SULF1: variants seen among roughly 807,000 people sequenced by gnomAD.
SULF1 encodes sulfatase 1.
A neutral mutation model predicts 110.5 loss-of-function variants in SULF1; 46 were observed. The ratio of observed to expected loss-of-function variants is 0.42; its 90% CI spans 0.33 to 0.53. The LOEUF is 0.53. Among genes scored for constraint, SULF1 ranks in the 20% least tolerant of loss-of-function variants. SULF1 has a pLI of 0.12. For synonymous variants in SULF1, 371 were observed against 387.1 expected (o/e 0.96, Z 0.49); for missense variants, 941 against 1,094.2 (o/e 0.86, Z 1.98).
At chr8:69,571,039 T>A (rs1220925713) in intron 5 of SULF1, among the ~76,000 whole-genome samples, 2 of 152,226 alleles carry the variant, frequency 1.3e-5, no homozygotes, top group Non-Finnish European at 2.9e-5. Flanking sequence ...GAAGTTGGGC[T>A]TTTTGCTTAG....
chr8:69,609,558 G>T (rs1808479819), intron 13 of SULF1, among the ~76,000 whole-genome samples: 1 of 152,168 alleles, frequency 6.6e-6, no homozygotes, highest in Admixed American at 6.5e-5. Flanking sequence ...AAGTTGAATG[G>T]TATCATTTTT....
At chr8:69,570,413 T>C (rs1419121959) in intron 5 of SULF1, among the ~76,000 whole-genome samples, 2 of 152,250 alleles carry the variant, frequency 1.3e-5, no homozygotes, top group Non-Finnish European at 2.9e-5. Context: ...AAGATATATG[T>C]ATCGGGAAAG....
chr8:69,524,774 G>A (rs1248779991), intron 3 of SULF1, among the ~76,000 whole-genome samples: 1 of 152,140 alleles, frequency 6.6e-6, no homozygotes, highest in East Asian at 1.9e-4. Flanking sequence ...CCATCAGAAA[G>A]TATCAAGGGG....
At chr8:69,655,769 C>G (rs765452560) in intron 22 of SULF1, among the ~76,000 whole-genome samples, 2 of 152,218 alleles carry the variant, frequency 1.3e-5, no homozygotes, top group African/African-American at 2.4e-5. Flanking sequence ...AATGGCTTCT[C>G]TCACTCCCAG....
chr8:69,523,523 G>C (rs567571300), intron 3 of SULF1, among the ~76,000 whole-genome samples: 2 of 152,100 alleles, frequency 1.3e-5, no homozygotes, highest in Non-Finnish European at 2.9e-5. Flanking sequence ...TCTTCTCCAG[G>C]CACATAGAGT....
intron 19 of SULF1, among the ~76,000 whole-genome samples, chr8:69,631,716 G>A (rs1362160650): frequency 6.6e-6 from 1 of 152,128 alleles, no homozygotes; most frequent in Non-Finnish European, 1.5e-5. Flanking sequence ...CTCGCCATGG[G>A]GCCTTTGCAC....
At chr8:69,636,603 T>C (rs1372671920) in intron 19 of SULF1, among the ~76,000 whole-genome samples, 1 of 152,106 alleles carries the variant, frequency 6.6e-6, no homozygotes, top group Non-Finnish European at 1.5e-5. Context: ...TACGTTCTGC[T>C]GGTTGTGGAA....
chr8:69,570,349 G>T (rs1240807676), intron 5 of SULF1, among the ~76,000 whole-genome samples: 1 of 152,172 alleles, frequency 6.6e-6, no homozygotes, highest in South Asian at 2.1e-4. Context: ...TGACAAACAG[G>T]TTTGATGAAA....
intron 3 of SULF1, among the ~76,000 whole-genome samples, chr8:69,551,065 C>G (rs1814672827): frequency 6.6e-6 from 1 of 152,162 alleles, no homozygotes; most frequent in African/African-American, 2.4e-5. Context: ...ATTCACCTGC[C>G]ACTGTCTCAA....
At chr8:69,517,985 T>A (rs1812053226) in intron 3 of SULF1, among the ~76,000 whole-genome samples, 1 of 152,236 alleles carries the variant, frequency 6.6e-6, no homozygotes, top group Non-Finnish European at 1.5e-5. Flanking sequence ...ATATTTTTGT[T>A]ATAGAATTAA....
At chr8:69,596,154 A>G (rs1807303179) in intron 8 of SULF1, among the ~76,000 whole-genome samples, 1 of 152,174 alleles carries the variant, frequency 6.6e-6, no homozygotes, top group African/African-American at 2.4e-5. Context: ...CTCGCTGGGA[A>G]AAGCTAAACT....
chr8:69,591,582 A>G (rs1470924345), intron 8 of SULF1, among the ~76,000 whole-genome samples: 1 of 151,888 alleles, frequency 6.6e-6, no homozygotes, highest in Non-Finnish European at 1.5e-5. Context: ...AAACAAAGAA[A>G]AGAAAAGAAA....
In SULF1 at chr8:69,624,178, A is replaced by G; in HGVS notation, c.1831A>G (p.Thr611Ala). Residue 611 changes from threonine to alanine, a missense_variant, in exon 15 of 23, where the codon ACT (threonine) becomes GCT (alanine). Transcript: ENST00000402687. ...CAGCAACGCCGTGGGCCCACCTACC[A>G]CTGTCCGAGTGACACACAAGTAAGA... ...DSSNAVGPPT[T>A]VRVTHKCFIL... 1.3e-6 allele frequency: 2 copies of G among 1,594,416 alleles called. No individual in the cohort carries two copies. The highest frequency in any genetic ancestry group is 1.7e-6 in the Non-Finnish European group (2 of 1,168,988).
intron 3 of SULF1, among the ~76,000 whole-genome samples, chr8:69,549,386 C>T (rs922372155): frequency 3.9e-5 from 6 of 152,126 alleles, no homozygotes; most frequent in African/African-American, 1.4e-4. Flanking sequence ...ACCCTCTTTT[C>T]CCCTACTGTG....
intron 3 of SULF1, among the ~76,000 whole-genome samples, chr8:69,549,694 A>G (rs1814553652): frequency 6.6e-6 from 1 of 152,200 alleles, no homozygotes; most frequent in South Asian, 2.1e-4. Context: ...CAAGCACCCC[A>G]GTACTACTCG....
intron 1 of SULF1, among the ~76,000 whole-genome samples, chr8:69,477,232 C>T (rs1026663428): frequency 7.2e-5 from 11 of 152,186 alleles, no homozygotes; most frequent in African/African-American, 2.4e-4. Flanking sequence ...ACAGAGTCAC[C>T]TTACCTTTTC....
intron 8 of SULF1, among the ~76,000 whole-genome samples, chr8:69,591,497 G>A (rs1431709413): frequency 1.3e-5 from 2 of 151,726 alleles, no homozygotes; most frequent in Non-Finnish European, 2.9e-5. Flanking sequence ...CCGGGAGGCG[G>A]AGCTTGCAGT....
chr8:69,534,819 C>G (rs1024650559), intron 3 of SULF1, among the ~76,000 whole-genome samples: 4 of 151,398 alleles, frequency 2.6e-5, no homozygotes, highest in Non-Finnish European at 5.9e-5. Context: ...ATAAGAACTG[C>G]CCTAAACATA....
intron 6 of SULF1, among the ~76,000 whole-genome samples, chr8:69,583,107 A>T (rs958576347): frequency 6.6e-6 from 1 of 152,220 alleles, no homozygotes; most frequent in Non-Finnish European, 1.5e-5. Context: ...TCACTCATTC[A>T]CAGAGCCAAC....
Sources: gnomAD v4.1 joint callset for allele counts (sites outside exome capture counted in the v4.1 genomes callset) on GRCh38, gnomAD v4.1.1 for gene constraint, MANE v1.5 for transcripts, NCBI Gene and HGNC (gene_info 2026-07-23, HGNC 2026-07-21) for gene names.